Variants in UBR3 observed in about 807,000 individuals in gnomAD.
The protein encoded by UBR3 is ubiquitin protein ligase E3 component n-recognin 3, also known as E3 ubiquitin-protein ligase UBR3.
UBR3 carries 85 observed loss-of-function variants against 243.2 expected under a neutral mutation model. That is an observed-to-expected ratio of 0.35 (90% CI 0.29 to 0.42). The LOEUF is 0.42. Ranked by LOEUF, UBR3 falls within the 10% of genes least tolerant of loss-of-function variation. The pLI, the probability that UBR3 is intolerant of heterozygous loss-of-function variation, is 1.00. For missense variants in UBR3, 1,686 were observed against 2,300.8 expected (o/e 0.73, Z 5.47); for synonymous variants, 748 against 799.8 (o/e 0.94, Z 1.09).
intron 1 of UBR3, 21 bp downstream of exon 1, chr2:169,828,073 G>T: frequency 7.4e-7 from 1 of 1,358,740 alleles, no homozygotes; most frequent in African/African-American, 1.5e-5. Flanking sequence ...CCCTCCCCGC[G>T]GGCGAGGCGA....
At chr2:169,937,335 C>T (rs746889021) in intron 19 of UBR3, among the ~76,000 whole-genome samples, 2 of 152,162 alleles carry the variant, frequency 1.3e-5, no homozygotes, top group Non-Finnish European at 2.9e-5. Context: ...GTATCCTTCG[C>T]CCACTTTTTG....
chr2:169,969,771 C>T (rs2088010824), intron 24 of UBR3, among the ~76,000 whole-genome samples: 1 of 144,718 alleles, frequency 6.9e-6, no homozygotes, highest in South Asian at 2.2e-4. Context: ...GGATGGTCTC[C>T]ATCTCCTGAC....
Position 170,007,187 on chromosome 2 carries a change from C to G in UBR3, c.4227C>G (p.Phe1409Leu), listed in dbSNP as rs1156967468. 2 of 1,593,234 alleles carry G rather than the reference C, an allele frequency of 1.3e-6. No individual in the cohort carries two copies. Among genetic ancestry groups the G allele is most frequent in the Non-Finnish European group, 1.7e-6 (2 of 1,169,074 alleles). The change falls in exon 28 of 39, where the codon TTC becomes TTG. Residue 1409 changes from phenylalanine to leucine, a missense_variant. Around this residue, in one of 8 missense-constraint regions of UBR3, gnomAD observed 371 missense variants for 422.5 expected, o/e 0.88. Transcript: ENST00000272793. Reference protein sequence around the residue: ...VEELQGRPGAFPSETNLSKEM... With the variant: ...VEELQGRPGALPSETNLSKEM... The stretch of plus-strand genomic sequence containing the variant: ...AGCTGCAGGGACGACCGGGAGCTTT[C>G]CCAGTAAGCATCAGTGTAAGGCATA...
chr2:169,897,108 A>C (rs62170315), intron 8 of UBR3, among the ~76,000 whole-genome samples: 1 of 152,122 alleles, frequency 6.6e-6, no homozygotes. Context: ...CATAGTGTAC[A>C]TGTCAAAAAC....
intron 1 of UBR3, among the ~76,000 whole-genome samples, chr2:169,869,000 C>T (rs529349663): frequency 1.3e-5 from 2 of 152,170 alleles, no homozygotes; most frequent in South Asian, 4.2e-4. Context: ...CTCACATTCT[C>T]CATTTGTCTA....
At chr2:170,004,301 T>C (rs16857397) in intron 27 of UBR3, among the ~76,000 whole-genome samples, 14,470 of 152,126 alleles carry the variant, frequency 0.095, 831 homozygotes, top group African/African-American at 0.16. Context: ...TGATAGGTGA[T>C]GATGACACTG....
At chr2:169,990,108 A>G (rs1159273997) in intron 25 of UBR3, among the ~76,000 whole-genome samples, 1 of 152,192 alleles carries the variant, frequency 6.6e-6, no homozygotes, top group Non-Finnish European at 1.5e-5. Context: ...GTGTTCACTG[A>G]TACTTTATTG....
intron 1 of UBR3, among the ~76,000 whole-genome samples, chr2:169,850,296 A>C (rs2082614618): frequency 6.8e-6 from 1 of 147,242 alleles, no homozygotes; most frequent in Non-Finnish European, 1.5e-5. Context: ...CTCCCACTTC[A>C]GCCTCCCAAG....
At chr2:169,856,645 A>C (rs1030126868) in intron 1 of UBR3, among the ~76,000 whole-genome samples, 4 of 152,238 alleles carry the variant, frequency 2.6e-5, no homozygotes, top group African/African-American at 9.6e-5. Flanking sequence ...AGCCCGGCCA[A>C]CACGGCGAAA....
intron 1 of UBR3, among the ~76,000 whole-genome samples, chr2:169,838,385 ATTTGTGTGTGTGTGTGTGTGTG>A (rs1354971584): frequency 0.13 from 17,208 of 131,604 alleles, 1,281 homozygotes; most frequent in Non-Finnish European, 0.18. Context: ...AGATTAAGGC[ATTTGTGTGTGTGTGTGTGTGTG>A]TGTGTGTGTG....
intron 11 of UBR3, among the ~76,000 whole-genome samples, chr2:169,917,273 C>T (rs930339015): frequency 2.6e-5 from 4 of 152,278 alleles, no homozygotes; most frequent in Non-Finnish European, 5.9e-5. Flanking sequence ...AGAACATTGT[C>T]CAGCCTTCAC....
chr2:169,909,504 G>C (rs146653521), intron 10 of UBR3, among the ~76,000 whole-genome samples: 1 of 152,262 alleles, frequency 6.6e-6, no homozygotes, highest in East Asian at 1.9e-4. Flanking sequence ...GGGGCTGAGG[G>C]AGTGGGAAAT....
chr2:169,915,682 C>G (rs942059673), intron 11 of UBR3, among the ~76,000 whole-genome samples: 8 of 152,188 alleles, frequency 5.3e-5, no homozygotes, highest in African/African-American at 1.7e-4. Context: ...GTGTTCTTTA[C>G]TAATGATGTT....
At chr2:170,061,498 C>T (rs544421942) in intron 35 of UBR3, 55 bp downstream of exon 35, 2 of 1,590,608 alleles carry the variant, frequency 1.3e-6, no homozygotes, top group East Asian at 4.5e-5. Context: ...GATGGAGTCT[C>T]TCTCTGTTGC....
intron 2 of UBR3, among the ~76,000 whole-genome samples, chr2:169,873,226 G>A (rs1204708781): frequency 6.6e-6 from 1 of 152,120 alleles, no homozygotes; most frequent in African/African-American, 2.4e-5. Flanking sequence ...TCCTTAAAGT[G>A]TAGGGGAATG....
At chr2:169,919,238 A>G (rs2085592189) in intron 11 of UBR3, among the ~76,000 whole-genome samples, 1 of 152,186 alleles carries the variant, frequency 6.6e-6, no homozygotes, top group Admixed American at 6.5e-5. Flanking sequence ...GGCTAAAACC[A>G]TAGGGAGTCA....
At chr2:169,932,076 A>ATTTTTTTTTTTTTTTTTT (rs140968517) in intron 18 of UBR3, among the ~76,000 whole-genome samples, 1 of 145,922 alleles carries the variant, frequency 6.9e-6, no homozygotes. Context: ...TAGCTCATTA[A>ATTTTTTTTTTTTTTTTTT]TTTTTTTTTT....
intron 1 of UBR3, 133 bp downstream of exon 1, chr2:169,828,185 A>T: frequency 4.6e-6 from 4 of 864,406 alleles, no homozygotes; most frequent in East Asian, 9.0e-5. Context: ...CCACAGGGGG[A>T]TGGAGGTGAC....
chr2:169,862,592 CTT>C (rs1191071495), intron 1 of UBR3, among the ~76,000 whole-genome samples: 2 of 152,094 alleles, frequency 1.3e-5, no homozygotes, highest in Non-Finnish European at 1.5e-5. Flanking sequence ...TTTTATTACT[CTT>C]GTTTTTCTGA....
Sources: gnomAD v4.1 joint callset for allele counts (sites outside exome capture counted in the v4.1 genomes callset) on GRCh38, gnomAD v4.1.1 for gene constraint, gnomAD v4.1.1 regional missense constraint, MANE v1.5 for transcripts, NCBI Gene and HGNC (gene_info 2026-07-23, HGNC 2026-07-21) for gene names.